MUC7: variants seen among roughly 807,000 people sequenced by gnomAD.
MUC7 encodes the protein mucin-7.
Under a neutral mutation model 2.5 loss-of-function variants are expected in MUC7, and 2 were observed. The observed-to-expected ratio is 0.81, with a 90% CI of 0.33 to 2.55. The LOEUF (loss-of-function observed/expected upper bound fraction) is 2.55. Among genes scored for constraint, MUC7 ranks in the 30% most tolerant of loss-of-function variants. The pLI is 0.11. For missense variants in MUC7, 408 were observed against 455.6 expected (o/e 0.90, Z 0.95); for synonymous variants, 133 against 173.4 (o/e 0.77, Z 1.83).
Position 70,481,131 on chromosome 4 carries a change from G to C in MUC7, c.387G>C (p.Val129=). Residue 129 remains valine (V), a synonymous_variant, in exon 3 of 3, where the codon GTG becomes GTC. Transcript: ENST00000304887. ...ASTKITTLPN[V]TFLPQNATTI... is the part of the protein sequence containing the mutation. ...CCAAAATTACTACCCTTCCAAATGTGACTTTTCTTCCCCAGAATGCCACCA... is the reference window on the plus strand; with the variant it reads ...CCAAAATTACTACCCTTCCAAATGTCACTTTTCTTCCCCAGAATGCCACCA... 6.2e-7 allele frequency: 1 copy of C among 1,614,100 alleles called. No individual in the cohort carries two copies. The highest frequency in any genetic ancestry group is 1.1e-5 in the South Asian group (1 of 91,080).
intron 1 of MUC7, among the ~76,000 whole-genome samples, chr4:70,454,308 A>G (rs1008539509): frequency 6.6e-6 from 1 of 152,334 alleles, no homozygotes; most frequent in African/African-American, 2.4e-5. Context: ...AGGCTTGCCA[A>G]AACTCAATTT....
rs150648676 is a variant in MUC7 at position 70,440,692 on chromosome 4, T to A, written c.-93+10005T>A. On this transcript the variant is annotated intron_variant, in intron 1 of 3. Coordinates refer to the MUC7 transcript ENST00000413702. ...TACAAATTTTATTAATGTATTAGGT[T>A]ATCACATGTACCCTGAAAATATGTA... 4.5e-3 allele frequency among the ~76,000 whole-genome samples: 687 copies of A among 152,270 alleles called. 7 individuals are homozygous for A. The highest frequency in any genetic ancestry group is 0.016 in the African/African-American group (664 of 41,566).
intron 1 of MUC7, among the ~76,000 whole-genome samples, chr4:70,435,668 TA>T (rs1733811023): frequency 4.6e-5 from 2 of 43,434 alleles, no homozygotes; most frequent in South Asian, 1.2e-3. Flanking sequence ...TTTGCCAGTC[TA>T]TTCTTTTAAT....
chr4:70,445,791 C>T (rs1178078380), intron 1 of MUC7, among the ~76,000 whole-genome samples: 1 of 152,156 alleles, frequency 6.6e-6, no homozygotes, highest in African/African-American at 2.4e-5. Context: ...TGGATGCAAA[C>T]CTAACTTGCA....
chr4:70,447,010 T>C (rs151021163), intron 1 of MUC7, among the ~76,000 whole-genome samples: 1 of 135,268 alleles, frequency 7.4e-6, no homozygotes, highest in Non-Finnish European at 1.5e-5. Context: ...CAAGTGCAAA[T>C]GAGAAAGACA....
At chr4:70,470,584 G>A (rs1468793993), upstream of MUC7, among the ~76,000 whole-genome samples, 4 of 151,980 alleles carry the variant, frequency 2.6e-5, no homozygotes, top group Non-Finnish European at 5.9e-5. Flanking sequence ...GACAATTTTT[G>A]AAATTCTATC....
At chr4:70,473,944 C>T in intron 1 of MUC7, 63 bp from the exon 2 acceptor site, 1 of 1,184,742 alleles carries the variant, frequency 8.4e-7, no homozygotes, top group Non-Finnish European at 1.2e-6. Flanking sequence ...AGTTATTTAC[C>T]AAAACGCATT....
chr4:70,438,105 G>A (rs1203140410), intron 1 of MUC7, among the ~76,000 whole-genome samples: 1 of 152,170 alleles, frequency 6.6e-6, no homozygotes, highest in East Asian at 1.9e-4. Flanking sequence ...TACTCAAGCT[G>A]TAAGTAATGG....
intron 1 of MUC7, 57 bp from the exon 2 acceptor site, chr4:70,473,950 G>A (rs371830991): frequency 2.4e-5 from 29 of 1,221,414 alleles, no homozygotes; most frequent in East Asian, 2.4e-4. Flanking sequence ...TTACCAAAAC[G>A]CATTCCTCTC....
At chr4:70,465,445 T>C (rs541869379) in intron 1 of MUC7, among the ~76,000 whole-genome samples, 1 of 152,116 alleles carries the variant, frequency 6.6e-6, no homozygotes, top group South Asian at 2.1e-4. Flanking sequence ...GGTAATAACC[T>C]TCTCTGAGCT....
chr4:70,452,178 A>C (rs1734295715), intron 1 of MUC7, among the ~76,000 whole-genome samples: 1 of 152,200 alleles, frequency 6.6e-6, no homozygotes, highest in Non-Finnish European at 1.5e-5. Flanking sequence ...TAGGCATCAG[A>C]TCACTGGGTC....
intron 1 of MUC7, among the ~76,000 whole-genome samples, chr4:70,458,560 A>G (rs1483480426): frequency 2.0e-5 from 3 of 152,134 alleles, no homozygotes; most frequent in Non-Finnish European, 4.4e-5. Flanking sequence ...AAATAATACC[A>G]ATAAGTTATA....
intron 1 of MUC7, among the ~76,000 whole-genome samples, chr4:70,450,108 C>T (rs960248264): frequency 6.6e-6 from 1 of 152,202 alleles, no homozygotes; most frequent in Non-Finnish European, 1.5e-5. Context: ...AGTAGAAAAA[C>T]TTATAAGTCT....
intron 1 of MUC7, among the ~76,000 whole-genome samples, chr4:70,461,486 C>T (rs1243371269): frequency 3.3e-5 from 5 of 152,106 alleles, no homozygotes; most frequent in African/African-American, 9.7e-5. Context: ...TATACTCTGC[C>T]TCCCTATTCT....
At chr4:70,444,823 G>A (rs1394009402) in intron 1 of MUC7, among the ~76,000 whole-genome samples, 1 of 152,066 alleles carries the variant, frequency 6.6e-6, no homozygotes, top group Non-Finnish European at 1.5e-5. Context: ...AGGCCAAGGT[G>A]GGCAGATCAC....
chr4:70,479,551 A>T (rs999750402), intron 2 of MUC7, among the ~76,000 whole-genome samples: 3 of 152,178 alleles, frequency 2.0e-5, no homozygotes, highest in Non-Finnish European at 2.9e-5. Flanking sequence ...CTTGTTTGGG[A>T]TGTTCTCATT....
intron 2 of MUC7, 27 bp from the exon 3 acceptor site, chr4:70,480,772 T>C: frequency 6.2e-7 from 1 of 1,600,168 alleles, no homozygotes; most frequent in African/African-American, 1.3e-5. Flanking sequence ...CTTTTTTCAT[T>C]TCTTACATTT....
chr4:70,434,507 A>G (rs1379841193), intron 1 of MUC7, among the ~76,000 whole-genome samples: 1 of 152,186 alleles, frequency 6.6e-6, no homozygotes, highest in Non-Finnish European at 1.5e-5. Context: ...TTATTTGCAT[A>G]GAGGTGTTTA....
At chr4:70,450,844 C>A (rs1302777553) in intron 1 of MUC7, among the ~76,000 whole-genome samples, 3 of 152,110 alleles carry the variant, frequency 2.0e-5, no homozygotes, top group Non-Finnish European at 2.9e-5. Flanking sequence ...TCCTCCCCAC[C>A]CTTCCCTTTC....
Sources: allele counts gnomAD v4.1 joint callset (sites outside exome capture counted in the v4.1 genomes callset), GRCh38; gene constraint gnomAD v4.1.1; transcripts MANE v1.5; gene names NCBI Gene and HGNC (gene_info 2026-07-23, HGNC 2026-07-21).